SLCO3A1: variants seen among roughly 807,000 people sequenced by gnomAD.
SLCO3A1 encodes the protein PGE1 transporter.
Under a neutral mutation model 63.1 loss-of-function variants are expected in SLCO3A1, and 27 were observed. The ratio of observed to expected loss-of-function variants is 0.43; its 90% CI spans 0.32 to 0.59. The LOEUF is 0.59. Among genes scored for constraint, SLCO3A1 ranks in the 20% least tolerant of loss-of-function variants. SLCO3A1 has a pLI of 0.09. For missense variants in SLCO3A1, 773 were observed against 945.8 expected (o/e 0.82, Z 2.40); for synonymous variants, 473 against 409.9 (o/e 1.15, Z -1.86).
intron 4 of SLCO3A1, among the ~76,000 whole-genome samples, chr15:92,115,834 A>AAAAT (rs1273735060): frequency 6.6e-6 from 1 of 151,020 alleles, no homozygotes; most frequent in African/African-American, 2.4e-5. Context: ...AAAAAAAAAA[A>AAAAT]AAAATGGACT....
At position 92,007,598 on chromosome 15, in the gene SLCO3A1, G is replaced by C. The variant is rs1186089539; in HGVS notation, c.647-87283G>C. On this transcript the variant is annotated intron_variant, in intron 2 of 9. Coordinates refer to ENST00000318445, the MANE Select transcript of SLCO3A1 (RefSeq NM_013272.4). ...AATGGCCTTGCATAGGAAGGGAGGA[G>C]CAAGGGAAGTGGATGATTTAATTGA... Among the ~76,000 whole-genome samples, 3 of 152,194 alleles carry C rather than the reference G, an allele frequency of 2.0e-5. No individual in the cohort carries two copies. In the East Asian group the frequency reaches 5.8e-4, roughly 29 times the overall value.
chr15:92,068,276 C>T (rs1463835063), intron 2 of SLCO3A1, among the ~76,000 whole-genome samples: 1 of 152,278 alleles, frequency 6.6e-6, no homozygotes, highest in African/African-American at 2.4e-5. Context: ...CTTTTCTGCT[C>T]AGCAAATTAG....
chr15:91,907,106 G>A (rs1224759584), intron 1 of SLCO3A1, among the ~76,000 whole-genome samples: 2 of 152,158 alleles, frequency 1.3e-5, no homozygotes, highest in African/African-American at 2.4e-5. Flanking sequence ...ATGGAGTATA[G>A]AGGAAACAGT....
At position 91,860,743 on chromosome 15, in the gene SLCO3A1, C is replaced by T. The variant is rs1021916458; in HGVS notation, c.180+6655C>T. Among the ~76,000 whole-genome samples the T allele has an allele frequency of 6.6e-5, 10 of 152,230 alleles. No homozygotes were observed. Among genetic ancestry groups the T allele is most frequent in the African/African-American group, 2.4e-4 (10 of 41,466 alleles). Reference sequence around the variant, plus strand: ...GTTTAAAACGTGCCTTCGCAGAGCTCAGCCTTGGTTGCCCAGAGGGGCTCA... The same window carrying T: ...GTTTAAAACGTGCCTTCGCAGAGCTTAGCCTTGGTTGCCCAGAGGGGCTCA... On this transcript the variant is annotated intron_variant, in intron 1 of 9. Coordinates refer to ENST00000318445, the MANE Select transcript of SLCO3A1 (RefSeq NM_013272.4). The surrounding 1 kb of genome is among the most constrained non-coding windows in gnomAD (Gnocchi z 5.5).
At chr15:91,936,052 T>A (rs1348677794) in intron 2 of SLCO3A1, among the ~76,000 whole-genome samples, 1 of 152,228 alleles carries the variant, frequency 6.6e-6, no homozygotes, top group East Asian at 1.9e-4. Context: ...TGGAGCCAGA[T>A]GGTCAAGGTT....
chr15:92,122,549 G>T (rs1365708357), intron 5 of SLCO3A1, among the ~76,000 whole-genome samples: 5 of 152,226 alleles, frequency 3.3e-5, no homozygotes, highest in Non-Finnish European at 7.3e-5. Flanking sequence ...TACTTGGCCA[G>T]TGGGAATGCA....
At chr15:92,032,539 T>G (rs1039596009) in intron 2 of SLCO3A1, among the ~76,000 whole-genome samples, 4 of 152,010 alleles carry the variant, frequency 2.6e-5, no homozygotes, top group African/African-American at 9.7e-5. Flanking sequence ...AGGGAGGGAT[T>G]TTGGATAAGG....
intron 2 of SLCO3A1, among the ~76,000 whole-genome samples, chr15:91,957,388 C>T (rs1047068317): frequency 5.2e-4 from 78 of 151,380 alleles, no homozygotes; most frequent in Admixed American, 1.3e-3. Context: ...TCAAAGCCTC[C>T]GGTGCTTCAC....
intron 2 of SLCO3A1, among the ~76,000 whole-genome samples, chr15:92,078,176 AT>A: frequency 6.6e-6 from 1 of 152,298 alleles, no homozygotes; most frequent in Non-Finnish European, 1.5e-5. Context: ...AGTTCGCTAT[AT>A]CCCCATTGAG....
Position 91,942,077 on chromosome 15 carries a change from T to C in SLCO3A1, c.646+25619T>C, listed in dbSNP as rs577232355. ...GAGTCTTGTTCTTTATTCTAGACAA[T>C]GCCACCACCTACTGTTTTGCTGTTT... On this transcript the variant is annotated intron_variant, in intron 2 of 9. Coordinates refer to ENST00000318445, the MANE Select transcript of SLCO3A1 (RefSeq NM_013272.4). The surrounding 1 kb of genome is among the most constrained non-coding windows in gnomAD (Gnocchi z 4.1). Among the ~76,000 whole-genome samples, 5 of 152,308 alleles carry C rather than the reference T, an allele frequency of 3.3e-5. No homozygotes were observed. Among genetic ancestry groups the C allele is most frequent in the Non-Finnish European group, 5.9e-5 (4 of 68,034 alleles).
intron 2 of SLCO3A1, among the ~76,000 whole-genome samples, chr15:92,066,052 A>G (rs1029920903): frequency 1.3e-5 from 2 of 152,258 alleles, no homozygotes; most frequent in African/African-American, 4.8e-5. Flanking sequence ...AGTGGGGACC[A>G]GCCACCCTCC....
rs2048478566 is a variant in SLCO3A1 at position 92,164,698 on chromosome 15, G to A, written c.*1563G>A. 1.0e-5 allele frequency: 10 copies of A among 985,420 alleles called. No individual in the cohort carries two copies. Among genetic ancestry groups the A allele is most frequent in the Non-Finnish European group, 1.1e-5 (9 of 829,922 alleles). The allele number at this position is 985,420 out of a possible 1,614,324, so 61.0% of individuals were successfully genotyped here. On this transcript the variant is annotated 3_prime_UTR_variant, in exon 10 of 10. Coordinates refer to ENST00000318445, the MANE Select transcript of SLCO3A1 (RefSeq NM_013272.4). ...AATGTCTGTGACATTTTCAGTGTTA[G>A]TCTTGAACTAAGGCCCTTGTCTGTG... is the stretch of plus-strand genomic sequence containing the variant.
At chr15:91,877,556 A>G (rs1337808902) in intron 1 of SLCO3A1, among the ~76,000 whole-genome samples, 1 of 152,194 alleles carries the variant, frequency 6.6e-6, no homozygotes, top group African/African-American at 2.4e-5. Flanking sequence ...AGTCCATTCA[A>G]GTCACAGAGG....
intron 3 of SLCO3A1, among the ~76,000 whole-genome samples, chr15:92,103,648 G>T (rs187824376): frequency 1.1e-3 from 165 of 152,130 alleles, no homozygotes; most frequent in Admixed American, 2.3e-3. Flanking sequence ...GTGGTCATTT[G>T]ATCTTCCCAC....
chr15:92,113,609 C>T (rs138867526), intron 4 of SLCO3A1, among the ~76,000 whole-genome samples: 51 of 152,276 alleles, frequency 3.3e-4, no homozygotes, highest in African/African-American at 9.6e-4. Flanking sequence ...CCCATGGGCT[C>T]CTCAATAGCC....
chr15:92,109,454 G>A (rs1345659089), intron 4 of SLCO3A1, among the ~76,000 whole-genome samples: 1 of 152,200 alleles, frequency 6.6e-6, no homozygotes, highest in African/African-American at 2.4e-5. Context: ...AGCCTAAAAG[G>A]AAGGGGAGAA....
chr15:92,105,875 T>C (rs1397775711), intron 4 of SLCO3A1, among the ~76,000 whole-genome samples: 1 of 152,208 alleles, frequency 6.6e-6, no homozygotes, highest in Non-Finnish European at 1.5e-5. Flanking sequence ...TTCCTAGCAG[T>C]GAAAGTCTGT....
chr15:91,994,589 A>G (rs370709828), intron 2 of SLCO3A1, among the ~76,000 whole-genome samples: 10 of 148,818 alleles, frequency 6.7e-5, no homozygotes, highest in African/African-American at 1.7e-4. Context: ...GATGAAGTGC[A>G]GGGTTAAGTT....
chr15:92,096,121 G>T (rs975577299), intron 3 of SLCO3A1, among the ~76,000 whole-genome samples: 1 of 152,166 alleles, frequency 6.6e-6, no homozygotes, highest in African/African-American at 2.4e-5. Flanking sequence ...TGCAGTCAAG[G>T]TGTTGCAAGG....
Sources: allele counts gnomAD v4.1 joint callset (sites outside exome capture counted in the v4.1 genomes callset), GRCh38; gene constraint gnomAD v4.1.1; non-coding constraint Gnocchi (gnomAD v3.1); transcripts MANE v1.5; gene names NCBI Gene and HGNC (gene_info 2026-07-23, HGNC 2026-07-21).